Variants in FRMPD4 observed in about 807,000 individuals in gnomAD.
The protein encoded by FRMPD4 is FERM and PDZ domain containing 4.
A neutral mutation model predicts 94.1 loss-of-function variants in FRMPD4; 22 were observed. The observed-to-expected ratio is 0.23, with a 90% CI of 0.17 to 0.33. The LOEUF is 0.33. Ranked by LOEUF, FRMPD4 falls within the 10% of genes least tolerant of loss-of-function variation. FRMPD4 has a pLI of 1.00. For missense variants in FRMPD4, 1,111 were observed against 1,339.9 expected, an observed-to-expected ratio of 0.83 and a Z score of 2.67; for synonymous variants, 631 against 548.6, an observed-to-expected ratio of 1.15 and a Z score of -2.10.
intron 3 of FRMPD4, among the ~76,000 whole-genome samples, chrX:12,108,401 T>C (rs1239691043): frequency 1.8e-5 from 2 of 111,722 alleles, no homozygotes; most frequent in Non-Finnish European, 3.8e-5. Context: ...CCAGGCCTGC[T>C]CTACAAGAGC....
At chrX:12,701,748 C>A in intron 9 of FRMPD4, 126 bp from the exon 10 acceptor site, 1 of 681,706 alleles carries the variant, frequency 1.5e-6, no homozygotes, top group Non-Finnish European at 2.2e-6. Flanking sequence ...GATGTTTCCA[C>A]ATTTAGCCTC....
intron 1 of FRMPD4, among the ~76,000 whole-genome samples, chrX:12,287,315 C>T (rs1175667971): frequency 9.0e-6 from 1 of 111,411 alleles, no homozygotes; most frequent in Non-Finnish European, 1.9e-5. Flanking sequence ...GGTTGTTCTC[C>T]CTCCCTGATA....
chrX:12,549,378 T>C (rs540597777), intron 2 of FRMPD4, among the ~76,000 whole-genome samples: 1 of 112,409 alleles, frequency 8.9e-6, no homozygotes, highest in East Asian at 2.8e-4. Context: ...ATGTGCACAC[T>C]CAAATATTCT....
At chrX:12,597,822 TGG>T (rs200451566) in intron 2 of FRMPD4, among the ~76,000 whole-genome samples, 1,522 of 112,194 alleles carry the variant, frequency 0.014, 28 homozygotes, top group African/African-American at 0.046. Flanking sequence ...TTTTGCTATG[TGG>T]TAATGTTGAA....
intron 3 of FRMPD4, among the ~76,000 whole-genome samples, chrX:12,072,307 G>A (rs1243041091): frequency 8.9e-6 from 1 of 112,161 alleles, no homozygotes; most frequent in Non-Finnish European, 1.9e-5. Context: ...TTTATTAAGA[G>A]AGGAATGATG....
chrX:12,332,190 T>G (rs1056606895), intron 1 of FRMPD4, among the ~76,000 whole-genome samples: 1 of 63,499 alleles, frequency 1.6e-5, no homozygotes, highest in African/African-American at 8.6e-5. Flanking sequence ...AATTTATATT[T>G]TATATATATA....
At chrX:12,091,396 G>T (rs1425989848) in intron 3 of FRMPD4, among the ~76,000 whole-genome samples, 1 of 112,084 alleles carries the variant, frequency 8.9e-6, no homozygotes, top group Non-Finnish European at 1.9e-5. Flanking sequence ...CTCTGCCACT[G>T]TAATAGGAAA....
chrX:12,136,614 T>A (rs979488582), upstream of FRMPD4, among the ~76,000 whole-genome samples: 1 of 110,675 alleles, frequency 9.0e-6, no homozygotes, highest in Non-Finnish European at 1.9e-5. Context: ...GTGGGAAGAT[T>A]ACCTGTAGAG....
chrX:12,635,574 G>C (rs2059436203), intron 4 of FRMPD4, among the ~76,000 whole-genome samples: 2 of 111,213 alleles, frequency 1.8e-5, no homozygotes, highest in Admixed American at 9.6e-5. Flanking sequence ...ATGAATCACT[G>C]CTACCCCGGG....
chrX:11,854,607 C>A (rs1327491663), intron 1 of FRMPD4, among the ~76,000 whole-genome samples: 1 of 112,468 alleles, frequency 8.9e-6, no homozygotes, highest in Non-Finnish European at 1.9e-5. Context: ...GGGCTACAAG[C>A]CCCTGCAAGT....
chrX:11,959,968 G>C (rs2054275884), intron 3 of FRMPD4, among the ~76,000 whole-genome samples: 1 of 111,351 alleles, frequency 9.0e-6, no homozygotes, highest in Non-Finnish European at 1.9e-5. Context: ...AGCTCTGTTG[G>C]TGGCTCAAGT....
At chrX:12,258,339 C>T (rs1290109060) in intron 1 of FRMPD4, among the ~76,000 whole-genome samples, 2 of 110,296 alleles carry the variant, frequency 1.8e-5, no homozygotes, top group Non-Finnish European at 3.8e-5. Context: ...TTAGTTATTG[C>T]AGGAATGGGT....
At chrX:12,679,460 G>A (rs889138395) in intron 5 of FRMPD4, among the ~76,000 whole-genome samples, 8 of 111,481 alleles carry the variant, frequency 7.2e-5, no homozygotes, top group Admixed American at 1.9e-4. Context: ...GGGGGTCAGG[G>A]TGGAACACAC....
chrX:12,534,680 G>T (rs986129780), intron 2 of FRMPD4, among the ~76,000 whole-genome samples: 1 of 112,692 alleles, frequency 8.9e-6, no homozygotes, highest in African/African-American at 3.2e-5. Flanking sequence ...TTTCAGACTT[G>T]CATGGGGCCT....
At chrX:12,439,436 G>C (rs2057109223) in intron 1 of FRMPD4, among the ~76,000 whole-genome samples, 1 of 111,290 alleles carries the variant, frequency 9.0e-6, no homozygotes, top group Non-Finnish European at 1.9e-5. Flanking sequence ...AGACTCAAAA[G>C]CATCTAGCTC....
chrX:11,927,723 C>A (rs190247767), intron 3 of FRMPD4, among the ~76,000 whole-genome samples: 5 of 112,246 alleles, frequency 4.5e-5, no homozygotes, highest in Non-Finnish European at 7.5e-5. Flanking sequence ...TGACCCATTC[C>A]ATATACCATA....
intron 1 of FRMPD4, among the ~76,000 whole-genome samples, chrX:12,295,369 G>A (rs2054756281): frequency 8.9e-6 from 1 of 111,920 alleles, no homozygotes; most frequent in South Asian, 3.8e-4. Context: ...TTGTCTGGAG[G>A]GAGCCCATGT....
chrX:12,141,070 T>A (rs766640014), intron 1 of FRMPD4, among the ~76,000 whole-genome samples: 3 of 112,267 alleles, frequency 2.7e-5, no homozygotes, highest in African/African-American at 9.7e-5. Flanking sequence ...TAAAAACACA[T>A]GTTTGCAGTT....
chrX:11,890,023 T>G (rs1007260042), intron 3 of FRMPD4, among the ~76,000 whole-genome samples: 3 of 112,521 alleles, frequency 2.7e-5, no homozygotes, highest in African/African-American at 9.7e-5. Context: ...CAAGCCAGAT[T>G]CAAGGGGAAG....
Sources: allele counts gnomAD v4.1 joint callset (sites outside exome capture counted in the v4.1 genomes callset), GRCh38; gene constraint gnomAD v4.1.1; transcripts MANE v1.5; gene names NCBI Gene and HGNC (gene_info 2026-07-23, HGNC 2026-07-21).